MOV10L1: variants seen among roughly 807,000 people sequenced by gnomAD.
The protein encoded by MOV10L1 is Mov10 like RNA helicase 1.
A neutral mutation model predicts 143.8 loss-of-function variants in MOV10L1; 110 were observed. The observed-to-expected ratio is 0.76, with a 90% CI of 0.66 to 0.90. The LOEUF is 0.90. Ranked by LOEUF, MOV10L1 falls within the 40% of genes least tolerant of loss-of-function variation. The probability of loss-of-function intolerance (pLI) is 0.00; values close to 1 mark genes in which losing one functional copy is unlikely to be tolerated. For missense variants in MOV10L1, 1,406 were observed against 1,526.8 expected (o/e 0.92, Z 1.32); for synonymous variants, 593 against 581.1 (o/e 1.02, Z -0.29).
rs1055415739 is a variant in MOV10L1, at chr22:50,144,039, G to A, written c.2359-58G>A. On this transcript the variant is annotated intron_variant, in intron 17 of 26. Transcript: ENST00000262794. ...ATGTGTGTGTTGAGGTTAGACTCCT[G>A]GTTTCCACCTTGCGGTGTGGATGTT... 49 of 1,575,298 alleles carry A rather than the reference G, an allele frequency of 3.1e-5. No individual in the cohort carries two copies. The African/African-American group carries it at 5.3e-4, about 17-fold the overall frequency.
chr22:50,126,349 G>GA, intron 12 of MOV10L1, 77 bp downstream of exon 12: 54 of 1,061,888 alleles, frequency 5.1e-5, no homozygotes, highest in Non-Finnish European at 6.9e-5. Flanking sequence ...TTCTCCCCAC[G>GA]GCTCTTGGGG....
In MOV10L1 at chr22:50,100,010, G is replaced by A. The variant is rs559104460; in HGVS notation, c.442+408G>A. ...GTTTTTGTTTTTGTTTTTGTTTTTC[G>A]AGATGGAGTCTCACTCTGTTGCCCA... On this transcript the variant is annotated intron_variant, in intron 3 of 26. Transcript: ENST00000262794. 2.8e-4 allele frequency among the ~76,000 whole-genome samples: 42 copies of A among 151,742 alleles called. 1 individual carries two copies. The South Asian group carries it at 6.1e-3, about 22-fold the overall frequency.
intron 8 of MOV10L1, among the ~76,000 whole-genome samples, chr22:50,116,218 A>G (rs1432805238): frequency 1.3e-5 from 2 of 148,874 alleles, no homozygotes; most frequent in Non-Finnish European, 1.5e-5. Flanking sequence ...TGACATTATG[A>G]CAACATAGAA....
At position 50,108,169 on chromosome 22, in the gene MOV10L1, C is replaced by G; in HGVS notation, c.476C>G (p.Ala159Gly). The G allele has an allele frequency of 6.2e-7, 1 of 1,614,072 alleles. No individual in the cohort carries two copies. The highest frequency in any genetic ancestry group is 8.5e-7 in the Non-Finnish European group (1 of 1,180,012). Residue 159 changes from alanine (A) to glycine (G), a missense_variant, in exon 4 of 27, where the codon GCT (alanine) becomes GGT (glycine). Around this residue, in one of 3 missense-constraint regions of MOV10L1, gnomAD observed 1,233 missense variants for 1,351.4 expected, o/e 0.91. Transcript: ENST00000262794. ...FEPCKGDWVE[A>G]EYRIRPGTWS... ...CCCTGCAAGGGAGACTGGGTGGAGG[C>G]TGAGTACCGGATCCGGCCTGGCACG...
chr22:50,158,208 T>TA lies in MOV10L1; in HGVS notation c.3216+3dup. The TA allele has an allele frequency of 5.0e-6, 8 of 1,614,048 alleles. No individual in the cohort carries two copies. Among genetic ancestry groups the TA allele is most frequent in the Non-Finnish European group, 6.8e-6 (8 of 1,180,008 alleles). On this transcript the variant is annotated splice_region_variant and intron_variant, in intron 23 of 26. Coordinates refer to ENST00000262794, the MANE Select transcript of MOV10L1 (RefSeq NM_018995.3). This position sits in a 1 kb window ranked among gnomAD's most constrained non-coding sequence, Gnocchi z 5.0. Reference sequence around the variant, plus strand: ...GTCATCACGCCCTACCGGAAGCAGGTACGCCCTGCCCAGGCACGCCTGGTT... The same window carrying TA: ...GTCATCACGCCCTACCGGAAGCAGGTAACGCCCTGCCCAGGCACGCCTGGTT...
chr22:50,154,559 C>A (rs2063378898), intron 22 of MOV10L1, among the ~76,000 whole-genome samples: 1 of 152,052 alleles, frequency 6.6e-6, no homozygotes, highest in Non-Finnish European at 1.5e-5. Flanking sequence ...CAGAGTGAGA[C>A]CCTGACTCTA....
intron 17 of MOV10L1, 134 bp from the exon 18 acceptor site, chr22:50,143,963 G>A (rs1018277535): frequency 1.7e-6 from 2 of 1,170,744 alleles, no homozygotes; most frequent in Admixed American, 4.2e-5. Flanking sequence ...CCAGGTCTCA[G>A]TGTGTTGGGG....
chr22:50,123,976 G>A (rs543671597), intron 10 of MOV10L1, among the ~76,000 whole-genome samples: 59 of 152,262 alleles, frequency 3.9e-4, no homozygotes, highest in African/African-American at 1.4e-3. Context: ...AGATTCTGTA[G>A]TAATGTTCCC....
At chr22:50,123,196 CAAAA>C (rs71198219) in intron 10 of MOV10L1, among the ~76,000 whole-genome samples, 28,539 of 101,096 alleles carry the variant, frequency 0.28, 3,012 homozygotes, top group Admixed American at 0.4. Context: ...ACTCATGTCT[CAAAA>C]AAAAAAAAAA....
rs528526883 is a variant in MOV10L1, at chr22:50,120,604, A to G, written c.1557A>G (p.Pro519=). Residue 519 remains proline, a synonymous_variant, in exon 10 of 27, where the codon CCA becomes CCG. Transcript: ENST00000262794. ...EQKIDILTFQ[P]LLAELLNMSN... ...AAATTGACATCCTGACTTTCCAGCC[A>G]TTACTTGCAGAGGTAGGAAGTGTCT... is the stretch of plus-strand genomic sequence containing the variant. The G allele has an allele frequency of 6.2e-7, 1 of 1,608,886 alleles. No homozygotes were observed. Among genetic ancestry groups the G allele is most frequent in the Non-Finnish European group, 8.5e-7 (1 of 1,175,466 alleles).
intron 3 of MOV10L1, among the ~76,000 whole-genome samples, chr22:50,104,416 G>A (rs1013307000): frequency 1.4e-4 from 22 of 152,314 alleles, no homozygotes; most frequent in African/African-American, 4.8e-4. Context: ...TTTGGGAGGG[G>A]CACTCCCTGC....
At chr22:50,109,184 C>T (rs2061953909) in intron 5 of MOV10L1, among the ~76,000 whole-genome samples, 3 of 151,898 alleles carry the variant, frequency 2.0e-5, no homozygotes, top group Admixed American at 2.0e-4. Flanking sequence ...GTGAAAGGCC[C>T]CATATAAGTA....
At position 50,150,737 on chromosome 22, in the gene MOV10L1, C is replaced by T. The variant is rs775722614; in HGVS notation, c.2730C>T (p.Ile910=). ...TGAGACGGGCCCTCTGTGTGCAGAT[C>T]GTGCTGGCAGGAGACCCCATGCAGC... is the stretch of plus-strand genomic sequence containing the variant. ...LGLMSDISGQ[I]VLAGDPMQLG... The change falls in exon 21 of 27, where the codon ATC becomes ATT. Residue 910 remains isoleucine, a splice_region_variant and synonymous_variant. Coordinates refer to ENST00000262794, the MANE Select transcript of MOV10L1 (RefSeq NM_018995.3). 1.2e-5 allele frequency: 19 copies of T among 1,613,582 alleles called. No homozygotes were observed. Among genetic ancestry groups the T allele is most frequent in the African/African-American group, 8.0e-5 (6 of 74,900 alleles).
At chr22:50,121,155 T>G (rs2062331001) in intron 10 of MOV10L1, among the ~76,000 whole-genome samples, 1 of 152,110 alleles carries the variant, frequency 6.6e-6, no homozygotes, top group South Asian at 2.1e-4. Flanking sequence ...GAGGGTTTTT[T>G]TCTGTAGGGG....
intron 5 of MOV10L1, among the ~76,000 whole-genome samples, chr22:50,112,688 C>G (rs2062055686): frequency 6.6e-6 from 1 of 152,236 alleles, no homozygotes; most frequent in African/African-American, 2.4e-5. Context: ...GGGGCAGCCC[C>G]TCTGCACTCT....
intron 3 of MOV10L1, among the ~76,000 whole-genome samples, chr22:50,107,816 C>G (rs539908857): frequency 3.3e-5 from 5 of 152,284 alleles, no homozygotes; most frequent in South Asian, 2.1e-4. Context: ...GTGCCACAAA[C>G]ACTGCAGGAC....
intron 5 of MOV10L1, among the ~76,000 whole-genome samples, chr22:50,110,847 C>T (rs1345885394): frequency 6.6e-6 from 1 of 152,082 alleles, no homozygotes; most frequent in Non-Finnish European, 1.5e-5. Flanking sequence ...AGGAGAATTG[C>T]TTGAACCCGG....
At chr22:50,142,290 A>AG (rs2063011450) in intron 16 of MOV10L1, 101 bp downstream of exon 16, 3 of 873,564 alleles carry the variant, frequency 3.4e-6, no homozygotes, top group East Asian at 2.9e-5. Flanking sequence ...GAAGAACAGT[A>AG]GGGGGCGTGT....
chr22:50,155,753 C>T (rs2063410575), intron 22 of MOV10L1, among the ~76,000 whole-genome samples: 2 of 152,150 alleles, frequency 1.3e-5, no homozygotes, highest in African/African-American at 2.4e-5. Flanking sequence ...GGATTACAGG[C>T]GTGAGCCACC....
Sources: allele counts gnomAD v4.1 joint callset (sites outside exome capture counted in the v4.1 genomes callset), GRCh38; gene constraint gnomAD v4.1.1; regional missense constraint gnomAD v4.1.1; non-coding constraint Gnocchi (gnomAD v3.1); transcripts MANE v1.5; gene names NCBI Gene and HGNC (gene_info 2026-07-23, HGNC 2026-07-21).